H2AJ: variants seen among roughly 807,000 people sequenced by gnomAD.
The protein encoded by H2AJ is H2A.J histone, also known as histone H2A.J.
A neutral mutation model predicts 7.9 loss-of-function variants in H2AJ; 3 were observed. The ratio of observed to expected loss-of-function variants is 0.38; its 90% confidence interval spans 0.17 to 0.98. H2AJ has a LOEUF of 0.98. Among genes scored for constraint, H2AJ ranks in the 50% least tolerant of loss-of-function variants. The pLI is 0.39. For missense variants in H2AJ, 128 were observed against 174.4 expected (o/e 0.73, Z 1.50); for synonymous variants, 98 against 85.7 (o/e 1.14, Z -0.79).
At chr12:14,775,115 G>C (rs1194149020), downstream of H2AJ, 6 of 543,858 alleles carry the variant, frequency 1.1e-5, no homozygotes, top group Non-Finnish European at 1.7e-5. Context: ...AGGCACTGGT[G>C]GGTGGGCTTG....
At chr12:14,777,716 T>C (rs1949659182), downstream of H2AJ, 1 of 167,120 alleles carries the variant, frequency 6.0e-6, no homozygotes, top group Admixed American at 6.5e-5. Context: ...GCATAATAGT[T>C]TACCTCATAG....
Position 14,774,601 on chromosome 12 carries a change from T to G in H2AJ, c.131T>G (p.Val44Gly), listed in dbSNP as rs1565666057. 6.2e-7 allele frequency: 1 copy of G among 1,613,486 alleles called. No individual in the cohort carries two copies. The highest frequency in any genetic ancestry group is 1.3e-5 in the African/African-American group (1 of 74,780). Residue 44 changes from valine (V) to glycine (G), a missense_variant, in exon 1 of 1, where the codon GTG becomes GGG. By Grantham distance (109) the Val-to-Gly change is moderately radical. Transcript: ENST00000544848. ...CGCAAAGGGAACTACGCGGAGCGAG[T>G]GGGCGCCGGGGCGCCGGTGTACCTG... ...LLRKGNYAER[V>G]GAGAPVYLAA... is the part of the protein sequence containing the mutation.
downstream of H2AJ, chr12:14,775,139 G>C (rs1263637405): frequency 7.8e-6 from 4 of 514,944 alleles, no homozygotes; most frequent in Admixed American, 3.0e-5. Flanking sequence ...CACTCTGGAC[G>C]GCTTTAGTCC....
chr12:14,774,540 C>T lies in H2AJ; in HGVS notation c.70C>T (p.Leu24=), dbSNP rs774565286. The part of the protein sequence containing the change: ...KAKSRSSRAG[L]QFPVGRVHRL... ...CAAATCCCGCTCCTCCCGCGCGGGC[C>T]TGCAGTTCCCGGTGGGCCGAGTGCA... Residue 24 remains leucine, a synonymous_variant, in exon 1 of 1, where the codon CTG becomes TTG. Transcript: ENST00000544848. The T allele has an allele frequency of 6.2e-7, 1 of 1,612,378 alleles. No individual in the cohort carries two copies. Among genetic ancestry groups the T allele is most frequent in the Admixed American group, 1.7e-5 (1 of 59,568 alleles).
chr12:14,776,628 G>A (rs916819178), downstream of H2AJ: 1 of 166,950 alleles, frequency 6.0e-6, no homozygotes, highest in Non-Finnish European at 1.5e-5. Flanking sequence ...GACAATAAAT[G>A]GAAAAAAGTA....
downstream of H2AJ, chr12:14,777,089 TGA>T (rs1267299235): frequency 6.0e-6 from 1 of 167,010 alleles, no homozygotes. Context: ...TTTTTGTTTT[TGA>T]GAGTTTTTTT....
chr12:14,777,973 A>G (rs572091075), downstream of H2AJ: 1 of 167,158 alleles, frequency 6.0e-6, no homozygotes, highest in East Asian at 1.9e-4. Context: ...TATAACAGAA[A>G]AAGTAATGAT....
chr12:14,775,148 C>T (rs1949618191), downstream of H2AJ: 1 of 504,850 alleles, frequency 2.0e-6, no homozygotes. Flanking sequence ...CGGCTTTAGT[C>T]CGCAGGTCAC....
At chr12:14,777,434 A>G (rs1474105666), downstream of H2AJ, 2 of 166,936 alleles carry the variant, frequency 1.2e-5, no homozygotes, top group Non-Finnish European at 2.9e-5. Context: ...CTGCAGGGCC[A>G]GTCTTGTCTT....
downstream of H2AJ, chr12:14,775,162 C>T (rs1306610961): frequency 8.1e-6 from 4 of 491,382 alleles, no homozygotes; most frequent in South Asian, 1.8e-5. Flanking sequence ...AGGTCACCCT[C>T]GAGGCGTCAG....
In H2AJ at chr12:14,774,565, A is replaced by G. The variant is rs1204860315; in HGVS notation, c.95A>G (p.His32Arg). Residue 32 changes from histidine to arginine, a missense_variant, in exon 1 of 1, where the codon CAC (histidine) becomes CGC (arginine). His to Arg is a conservative substitution (Grantham distance 29, BLOSUM62 0). Coordinates refer to ENST00000544848, the MANE Select transcript of H2AJ (RefSeq NM_177925.5). ...CTGCAGTTCCCGGTGGGCCGAGTGC[A>G]CAGACTGCTGCGCAAAGGGAACTAC... is the stretch of plus-strand genomic sequence containing the variant. Reference protein sequence around the residue: ...AGLQFPVGRVHRLLRKGNYAE... With the variant: ...AGLQFPVGRVRRLLRKGNYAE... The G allele has an allele frequency of 6.2e-7, 1 of 1,613,744 alleles. No homozygotes were observed. The highest frequency in any genetic ancestry group is 1.1e-5 in the South Asian group (1 of 91,038).
Position 14,774,561 on chromosome 12 carries a change from G to A in H2AJ, c.91G>A (p.Val31Met). The change falls in exon 1 of 1, where the codon GTG (valine) becomes ATG (methionine). Residue 31 changes from valine to methionine, a missense_variant. Physicochemically the swap from Val to Met is conservative, Grantham distance 21. Transcript: ENST00000544848. Reference sequence around the variant, plus strand: ...GGGCCTGCAGTTCCCGGTGGGCCGAGTGCACAGACTGCTGCGCAAAGGGAA... The same window carrying A: ...GGGCCTGCAGTTCCCGGTGGGCCGAATGCACAGACTGCTGCGCAAAGGGAA... ...RAGLQFPVGR[V>M]HRLLRKGNYA... 1 of 1,613,806 alleles carries A rather than the reference G, an allele frequency of 6.2e-7. No individual in the cohort carries two copies. Among genetic ancestry groups the A allele is most frequent in the Admixed American group, 1.7e-5 (1 of 59,944 alleles).
At chr12:14,776,442 C>T (rs1949642094), downstream of H2AJ, 3 of 167,102 alleles carry the variant, frequency 1.8e-5, no homozygotes, top group Admixed American at 6.5e-5. Flanking sequence ...ATTACTTCTC[C>T]CATGTTGCCA....
At chr12:14,775,939 CA>C (rs1194311945), downstream of H2AJ, 1 of 167,554 alleles carries the variant, frequency 6.0e-6, no homozygotes, top group Non-Finnish European at 1.5e-5. Flanking sequence ...TATGTAAGTG[CA>C]GGGGGAAACA....
chr12:14,775,420 C>T (rs1440566469), downstream of H2AJ: 2 of 471,226 alleles, frequency 4.2e-6, no homozygotes, highest in Non-Finnish European at 8.8e-6. Flanking sequence ...AACTTTCCGT[C>T]TTGGAAGGGT....
At chr12:14,775,690 T>C (rs1461297160), downstream of H2AJ, 1 of 317,480 alleles carries the variant, frequency 3.1e-6, no homozygotes, top group Non-Finnish European at 6.5e-6. Flanking sequence ...TCTAGCTTCA[T>C]AATGATCCTG....
At chr12:14,777,031 T>A (rs1287682482), downstream of H2AJ, 2 of 166,574 alleles carry the variant, frequency 1.2e-5, no homozygotes, top group African/African-American at 4.8e-5. Flanking sequence ...ATTCTTAGCA[T>A]CCCCTCACAT....
chr12:14,775,121 G>T, downstream of H2AJ: 1 of 536,952 alleles, frequency 1.9e-6, no homozygotes, highest in Non-Finnish European at 3.5e-6. Flanking sequence ...TGGTGGGTGG[G>T]CTTGAGCCAC....
At chr12:14,776,451 C>T (rs148744195), downstream of H2AJ, 12 of 167,206 alleles carry the variant, frequency 7.2e-5, no homozygotes, top group East Asian at 7.7e-4. Context: ...CCCATGTTGC[C>T]ATTTTTGAGG....
Sources: allele counts gnomAD v4.1 joint callset, GRCh38; gene constraint gnomAD v4.1.1; transcripts MANE v1.5; gene names NCBI Gene and HGNC (gene_info 2026-07-23, HGNC 2026-07-21).